Variants in WDR76 observed in about 807,000 individuals in gnomAD.
The protein encoded by WDR76 is WD repeat domain 76, also known as WD repeat-containing protein 76.
Under a neutral mutation model 70.2 loss-of-function variants are expected in WDR76, and 52 were observed. The observed-to-expected ratio is 0.74, with a 90% CI of 0.59 to 0.93. The LOEUF is 0.93. WDR76 is among the 40% of genes least tolerant of loss of function. The pLI, the probability that WDR76 is intolerant of heterozygous loss-of-function variation, is 0.00. For synonymous variants in WDR76, 292 were observed against 271.1 expected (o/e 1.08, Z -0.76); for missense variants, 756 against 760.2 (o/e 0.99, Z 0.07).
Position 43,867,967 on chromosome 15 carries a change from G to T in WDR76, c.*1575G>T, listed in dbSNP as rs1320189715. ...TAAGAGGAAATATTTTCCCATAATTGTATATCAGAGAAATATAGTGATATA... is the reference window on the plus strand; with the variant it reads ...TAAGAGGAAATATTTTCCCATAATTTTATATCAGAGAAATATAGTGATATA... On this transcript the variant is annotated 3_prime_UTR_variant, in exon 13 of 13. Transcript: ENST00000263795. 3.9e-5 allele frequency: 6 copies of T among 152,112 alleles called. No individual in the cohort carries two copies. The East Asian group carries it at 1.2e-3, about 29-fold the overall frequency. The allele number at this position is 152,112 out of a possible 1,614,324, so 9.4% of individuals were successfully genotyped here. A position where few individuals can be genotyped will look rare whatever the true frequency, so the allele number is the denominator to read the frequency against.
chr15:43,827,804 C>T (rs2087535656), intron 1 of WDR76, among the ~76,000 whole-genome samples, 161 bp from the exon 2 acceptor site: 1 of 152,158 alleles, frequency 6.6e-6, no homozygotes. Context: ...TTGGGCCTCC[C>T]AAAGTGCTGG....
At chr15:43,840,337 C>G (rs2087709079) in intron 5 of WDR76, among the ~76,000 whole-genome samples, 1 of 150,608 alleles carries the variant, frequency 6.6e-6, no homozygotes, top group South Asian at 2.1e-4. Context: ...AATTTTATGT[C>G]AGTTTAAAAA....
In WDR76 at chr15:43,828,331, G is replaced by T; in HGVS notation, c.427G>T (p.Asp143Tyr). The change falls in exon 2 of 13, where the codon GAT becomes TAT. Residue 143 changes from aspartate (D) to tyrosine (Y), a missense_variant. Asp to Tyr is a radical substitution (Grantham distance 160, BLOSUM62 -3). Transcript: ENST00000263795. ...CAGTGTTGATGTGGAAAGTAGTCAG[G>T]ATGGAGACAGTGATGAAGATACCAC... ...NLSVDVESSQDGDSDEDTTPS... is the reference protein window; with the variant it reads ...NLSVDVESSQYGDSDEDTTPS... 6.2e-7 allele frequency: 1 copy of T among 1,613,756 alleles called. No homozygotes were observed. Among genetic ancestry groups the T allele is most frequent in the South Asian group, 1.1e-5 (1 of 90,988 alleles).
rs141942497 is a variant in WDR76 at position 43,858,451 on chromosome 15, G to A, written c.1410-220G>A. 4.4e-4 allele frequency: 212 copies of A among 480,666 alleles called. 1 individual carries two copies. Among genetic ancestry groups the A allele is most frequent in the African/African-American group, 3.8e-3 (187 of 49,852 alleles). The allele number at this position is 480,666 out of a possible 1,614,324, so 29.8% of individuals were successfully genotyped here. ...TTTAGTAGAGACGGGGTTTCTCCAT[G>A]TTGAGGCTGGTTTCGAACTCCTGAT... On this transcript the variant is annotated intron_variant, in intron 10 of 12. Transcript: ENST00000263795.
At chr15:43,842,987 A>G (rs1596073381) in intron 7 of WDR76, among the ~76,000 whole-genome samples, 2 of 141,592 alleles carry the variant, frequency 1.4e-5, no homozygotes, top group African/African-American at 2.6e-5. Context: ...TGTATATACA[A>G]TTTTGCATTA....
intron 5 of WDR76, 150 bp from the exon 6 acceptor site, chr15:43,842,265 A>C: frequency 1.6e-6 from 1 of 636,768 alleles, no homozygotes. Flanking sequence ...TCATTTATTG[A>C]ACAATTATTT....
At position 43,856,963 on chromosome 15, in the gene WDR76, A is replaced by T. The variant is rs775908314; in HGVS notation, c.1209A>T (p.Arg403Ser). The T allele has an allele frequency of 6.2e-7, 1 of 1,613,954 alleles. No individual in the cohort carries two copies. The highest frequency in any genetic ancestry group is 2.2e-5 in the East Asian group (1 of 44,860). ...AIFEEVYRNE[R>S]SSFSSFDFLA... ...ATTCTTAGGTGTATAGAAATGAAAGAAGTAGCTTTTCCTCCTTCGACTTCT... is the reference window on the plus strand; with the variant it reads ...ATTCTTAGGTGTATAGAAATGAAAGTAGTAGCTTTTCCTCCTTCGACTTCT... Residue 403 changes from arginine (R) to serine (S), a missense_variant, in exon 10 of 13, where the codon AGA (arginine) becomes AGT (serine). Physicochemically the swap from Arg to Ser is moderately radical, Grantham distance 110. Transcript: ENST00000263795.
rs897557491 is a variant in WDR76 at position 43,867,526 on chromosome 15, G to C, written c.*1134G>C. The C allele has an allele frequency of 1.2e-4, 18 of 150,872 alleles. No individual in the cohort carries two copies. Among genetic ancestry groups the C allele is most frequent in the African/African-American group, 4.4e-4 (18 of 40,892 alleles). 9.3% of individuals were successfully genotyped at this position (150,872 alleles called of 1,614,324 possible). A position where few individuals can be genotyped will look rare whatever the true frequency, so the allele number is the denominator to read the frequency against. ...GTTACATATGCATATATATTTGTTA[G>C]GTATATATGTTTATGTGTATTCTGA... On this transcript the variant is annotated 3_prime_UTR_variant, in exon 13 of 13. Coordinates refer to ENST00000263795, the MANE Select transcript of WDR76 (RefSeq NM_024908.4).
Position 43,866,427 on chromosome 15 carries a change from G to A in WDR76, c.*35G>A. On this transcript the variant is annotated 3_prime_UTR_variant, in exon 13 of 13. Transcript: ENST00000263795. ...TTAGGAACATCAATTTGTTCAAATTGACCACTGTCTAAGGAGCCTAGTAAT... is the reference window on the plus strand; with the variant it reads ...TTAGGAACATCAATTTGTTCAAATTAACCACTGTCTAAGGAGCCTAGTAAT... 6.2e-7 allele frequency: 1 copy of A among 1,609,782 alleles called. No homozygotes were observed. The highest frequency in any genetic ancestry group is 8.5e-7 in the Non-Finnish European group (1 of 1,176,708).
chr15:43,834,875 T>A (rs2087635554), intron 2 of WDR76, among the ~76,000 whole-genome samples, 186 bp from the exon 3 acceptor site: 1 of 152,200 alleles, frequency 6.6e-6, no homozygotes, highest in Admixed American at 6.5e-5. Context: ...TTTGGGGGTA[T>A]CCCAAATCCA....
Position 43,835,131 on chromosome 15 carries a change from C to A in WDR76, c.533C>A (p.Ala178Asp), listed in dbSNP as rs1015501075. The A allele has an allele frequency of 6.2e-7, 1 of 1,613,852 alleles. No individual in the cohort carries two copies. Among genetic ancestry groups the A allele is most frequent in the Non-Finnish European group, 8.5e-7 (1 of 1,179,970 alleles). Residue 178 changes from alanine to aspartate, a missense_variant, in exon 3 of 13, where the codon GCT becomes GAT. Ala to Asp is a moderately radical substitution (Grantham distance 126). Coordinates refer to ENST00000263795, the MANE Select transcript of WDR76 (RefSeq NM_024908.4). ...KNISENADFFASLQLSESAAR... is the reference protein window; with the variant it reads ...KNISENADFFDSLQLSESAAR... Reference sequence around the variant, plus strand: ...ATATCAGAAAACGCAGACTTTTTTGCTTCTCTTCAGTTGTCTGAGGTTTGT... The same window carrying A: ...ATATCAGAAAACGCAGACTTTTTTGATTCTCTTCAGTTGTCTGAGGTTTGT...
intron 10 of WDR76, chr15:43,857,466 T>C (rs2087942575): frequency 3.0e-6 from 3 of 985,268 alleles, no homozygotes; most frequent in Non-Finnish European, 2.4e-6. Context: ...AAAAGTTACA[T>C]GTGACCTATA....
chr15:43,845,289 T>C (rs2087775186), intron 8 of WDR76, among the ~76,000 whole-genome samples: 1 of 150,290 alleles, frequency 6.7e-6, no homozygotes, highest in Non-Finnish European at 1.5e-5. Context: ...TATGGTCTGC[T>C]ATGGTCTGAA....
chr15:43,836,262 A>C (rs1596069105), intron 4 of WDR76, 46 bp downstream of exon 4: 28 of 1,564,398 alleles, frequency 1.8e-5, no homozygotes, highest in Non-Finnish European at 2.3e-5. Context: ...ACATTGCTCA[A>C]CTGTTTTATA....
intron 8 of WDR76, among the ~76,000 whole-genome samples, chr15:43,848,886 C>T (rs561223778): frequency 2.7e-5 from 4 of 150,522 alleles, no homozygotes; most frequent in East Asian, 2.0e-4. Context: ...TGCAGTGAGC[C>T]GGCATTGCAC....
intron 4 of WDR76, among the ~76,000 whole-genome samples, chr15:43,838,383 G>A (rs988307510): frequency 6.6e-6 from 1 of 151,300 alleles, no homozygotes; most frequent in Non-Finnish European, 1.5e-5. Context: ...ACGGGGTTTC[G>A]CCATGTTGGC....
intron 8 of WDR76, among the ~76,000 whole-genome samples, chr15:43,844,256 C>T (rs935633992): frequency 2.0e-5 from 3 of 152,154 alleles, no homozygotes; most frequent in African/African-American, 7.2e-5. Context: ...GCTTGAATAT[C>T]ATTAACCATC....
rs74612944 is a variant in WDR76, at chr15:43,836,260, C to T, written c.608+44C>T. 3.2e-3 allele frequency: 5,055 copies of T among 1,562,258 alleles called. 124 individuals are homozygous for T. In the East Asian group the frequency reaches 0.075, roughly 23 times the overall value. On this transcript the variant is annotated intron_variant, in intron 4 of 12. Transcript: ENST00000263795. ...AATGCCTGAACCATGATACATTGCT[C>T]AACTGTTTTATAATTTGAAAAAAAT...
chr15:43,841,315 G>A (rs1335782359), intron 5 of WDR76, among the ~76,000 whole-genome samples: 2 of 149,090 alleles, frequency 1.3e-5, no homozygotes, highest in African/African-American at 4.9e-5. Flanking sequence ...CCATTCTCCT[G>A]GCTCAGCCTC....
Sources: gnomAD v4.1 joint callset for allele counts (sites outside exome capture counted in the v4.1 genomes callset) on GRCh38, gnomAD v4.1.1 for gene constraint, MANE v1.5 for transcripts, NCBI Gene and HGNC (gene_info 2026-07-23, HGNC 2026-07-21) for gene names.